The following TPTE2 variants were observed in gnomAD, a reference collection of about 807,000 sequenced individuals.
The protein encoded by TPTE2 is transmembrane phosphoinositide 3-phosphatase and tensin homolog 2, also known as phosphatidylinositol 3,4,5-trisphosphate 3-phosphatase TPTE2.
TPTE2 carries 53 observed loss-of-function variants against 78.6 expected under a neutral mutation model. The ratio of observed to expected loss-of-function variants is 0.67; its 90% CI spans 0.54 to 0.85. The LOEUF (loss-of-function observed/expected upper bound fraction) is 0.85, where lower values mean the gene tolerates loss of function less well. TPTE2 is among the 40% of genes least tolerant of loss of function. TPTE2 has a pLI of 0.00. For missense variants in TPTE2, 461 were observed against 623.0 expected, an observed-to-expected ratio of 0.74 and a Z score of 2.77; for synonymous variants, 175 against 206.2, an observed-to-expected ratio of 0.85 and a Z score of 1.30.
intron 1 of TPTE2, among the ~76,000 whole-genome samples, chr13:19,522,703 A>C (rs1870241416): frequency 6.9e-6 from 1 of 145,270 alleles, no homozygotes; most frequent in African/African-American, 2.6e-5. Context: ...GCTCACTACA[A>C]GCTCTGCCTC....
intron 3 of TPTE2, among the ~76,000 whole-genome samples, chr13:19,489,878 G>A (rs1392440492): frequency 6.6e-6 from 1 of 151,926 alleles, no homozygotes; most frequent in Non-Finnish European, 1.5e-5. Flanking sequence ...AGTAGTGAAA[G>A]ACTACTGATG....
chr13:19,503,193 A>G, intron 1 of TPTE2, 31 bp downstream of exon 4: 2 of 1,613,364 alleles, frequency 1.2e-6, no homozygotes, highest in Non-Finnish European at 1.7e-6. Flanking sequence ...TTATAATTAG[A>G]TAAATAAAGA....
intron 1 of TPTE2, among the ~76,000 whole-genome samples, chr13:19,533,179 G>C (rs181360841): frequency 1.2e-3 from 183 of 152,234 alleles, no homozygotes; most frequent in African/African-American, 4.3e-3. Flanking sequence ...AGATATTATA[G>C]CATACAACAG....
chr13:19,561,322 G>T, the TPTE2 span: 1 of 732,540 alleles, frequency 1.4e-6, no homozygotes, highest in Non-Finnish European at 2.1e-6. Context: ...GCACACGGCG[G>T]GGGCCGCTCC....
rs375144271 is a variant in TPTE2, at chr13:19,497,438, C to G, written c.12-3937G>C. Among the ~76,000 whole-genome samples, 75 of 120,120 alleles carry G rather than the reference C, an allele frequency of 6.2e-4. 2 individuals are homozygous for G. In the East Asian group the frequency reaches 0.016, roughly 25 times the overall value. 78.8% of individuals were successfully genotyped at this position (120,120 alleles called of 152,430 possible). A position where few individuals can be genotyped will look rare whatever the true frequency, so the allele number is the denominator to read the frequency against. On this transcript the variant is annotated intron_variant, in intron 1 of 19. Coordinates refer to ENST00000400230, the Ensembl canonical transcript of TPTE2. ...GAAGAGAGCAGTGGTTCTCCCAGCA[C>G]GCAGCTGGAGATCTGAGAACGGGCA... is the stretch of plus-strand genomic sequence containing the variant.
chr13:19,432,489 A>G, exon 16 of TPTE2: 1 of 1,601,322 alleles, frequency 6.2e-7, no homozygotes. Context: ...TCGAATAAAT[A>G]ATGAATCTTT....
chr13:19,497,104 C>T (rs547767498), intron 1 of TPTE2, among the ~76,000 whole-genome samples: 15 of 152,186 alleles, frequency 9.9e-5, no homozygotes, highest in East Asian at 5.8e-4. Flanking sequence ...GCTTAAAAAA[C>T]GGTGCACCGC....
the TPTE2 span, among the ~76,000 whole-genome samples, chr13:19,545,777 T>C: frequency 6.6e-6 from 1 of 152,190 alleles, no homozygotes; most frequent in Admixed American, 6.5e-5. Flanking sequence ...CAAAGAACAG[T>C]AGATATTTTA....
intron 18 of TPTE2, among the ~76,000 whole-genome samples, chr13:19,425,307 A>G (rs777637564): frequency 6.6e-6 from 1 of 152,216 alleles, no homozygotes; most frequent in Non-Finnish European, 1.5e-5. Context: ...AGATAGTGCC[A>G]AACAGATGCT....
intron 14 of TPTE2, among the ~76,000 whole-genome samples, chr13:19,436,863 C>G (rs537983922): frequency 6.6e-6 from 1 of 152,256 alleles, no homozygotes; most frequent in Admixed American, 6.5e-5. Flanking sequence ...AATGACAACA[C>G]TGAGACCAAA....
chr13:19,445,784 A>G lies in TPTE2; in HGVS notation c.973+4292T>C, dbSNP rs903209538. Among the ~76,000 whole-genome samples the G allele has an allele frequency of 7.9e-5, 12 of 152,196 alleles. 1 individual carries two copies. Among genetic ancestry groups the G allele is most frequent in the Admixed American group, 7.9e-4 (12 of 15,278 alleles). The stretch of plus-strand genomic sequence containing the variant: ...TGGCAAAACCCCATCTCTACTAAAA[A>G]TACAAAAGTAGCTGGGTATGGTGGC... On this transcript the variant is annotated intron_variant, in intron 13 of 19. Transcript: ENST00000400230.
intron 1 of TPTE2, among the ~76,000 whole-genome samples, chr13:19,520,303 T>C (rs1870071404): frequency 6.6e-6 from 1 of 152,068 alleles, no homozygotes. Context: ...CAGTACAATG[T>C]TGAACAGAAA....
chr13:19,533,090 T>A (rs1346900608), intron 1 of TPTE2, among the ~76,000 whole-genome samples: 1 of 152,224 alleles, frequency 6.6e-6, no homozygotes, highest in Non-Finnish European at 1.5e-5. Context: ...ATATGCAAAG[T>A]ACCACACAGA....
At chr13:19,450,269 G>A (rs1229875131) in exon 12 of TPTE2, 3 of 1,611,126 alleles carry the variant, frequency 1.9e-6, no homozygotes, top group African/African-American at 1.3e-5. Context: ...TTACTGTAGA[G>A]TGGGGACATT....
At position 19,452,568 on chromosome 13, in the gene TPTE2, C is replaced by T. The variant is rs543066938; in HGVS notation, c.742-1343G>A. Among the ~76,000 whole-genome samples the T allele has an allele frequency of 1.5e-3, 221 of 152,262 alleles. 1 individual carries two copies. The highest frequency in any genetic ancestry group is 4.3e-3 in the African/African-American group (178 of 41,564). On this transcript the variant is annotated intron_variant, in intron 10 of 19. Transcript: ENST00000400230. ...GAAAATCTAACTGATTAACAACCTA[C>T]GTAAACATTCAGTGTCACCAATAAC...
chr13:19,550,113 C>A, the TPTE2 span, among the ~76,000 whole-genome samples: 1 of 146,874 alleles, frequency 6.8e-6, no homozygotes, highest in South Asian at 2.3e-4. Flanking sequence ...CTCAAGTTAC[C>A]CATGTAACAA....
At chr13:19,462,893 GAGA>G (rs1357189169) in intron 10 of TPTE2, among the ~76,000 whole-genome samples, 1 of 151,794 alleles carries the variant, frequency 6.6e-6, no homozygotes, top group Non-Finnish European at 1.5e-5. Flanking sequence ...ATGCACCTCA[GAGA>G]AGACCTTTTT....
In TPTE2 at chr13:19,426,415, G is replaced by A. The variant is rs1273358710; in HGVS notation, c.1395+10C>T. The A allele has an allele frequency of 4.4e-6, 7 of 1,581,862 alleles. No individual in the cohort carries two copies. The highest frequency in any genetic ancestry group is 6.1e-6 in the Non-Finnish European group (7 of 1,150,650). ...AGAACAATGGCAGAGGCTATTTTGT[G>A]ATTACTCACCGAAGAGAAAAACTGC... On this transcript the variant is annotated intron_variant, in intron 18 of 19. Transcript: ENST00000400230.
chr13:19,526,762 C>A (rs1229824557), intron 1 of TPTE2, among the ~76,000 whole-genome samples: 6 of 143,106 alleles, frequency 4.2e-5, no homozygotes, highest in Admixed American at 3.5e-4. Context: ...ACAAAAAAAA[C>A]TGGATTTAGG....
Sources: allele counts gnomAD v4.1 joint callset (sites outside exome capture counted in the v4.1 genomes callset), GRCh38; gene constraint gnomAD v4.1.1; transcripts MANE v1.5; gene names NCBI Gene and HGNC (gene_info 2026-07-23, HGNC 2026-07-21).